The following CNTNAP2 variants were observed in gnomAD, a reference collection of about 807,000 sequenced individuals.
The protein encoded by CNTNAP2 is contactin associated protein 2, also known as contactin-associated protein-like 2.
In CNTNAP2, 98 loss-of-function variants were observed where a neutral mutation model predicts 155.2. The observed-to-expected ratio is 0.63, with a 90% CI of 0.54 to 0.75. The LOEUF (loss-of-function observed/expected upper bound fraction) is 0.75. Among genes scored for constraint, CNTNAP2 ranks in the 30% least tolerant of loss-of-function variants. The pLI is 0.00. For missense variants in CNTNAP2, 1,727 were observed against 1,688.1 expected (o/e 1.02, Z -0.40); for synonymous variants, 651 against 631.2 (o/e 1.03, Z -0.47).
At chr7:147,530,739 A>G (rs1799416731) in intron 11 of CNTNAP2, among the ~76,000 whole-genome samples, 2 of 152,174 alleles carry the variant, frequency 1.3e-5, no homozygotes, top group South Asian at 4.1e-4. Context: ...TCCAAATCTC[A>G]TGTCCTCACA....
intron 21 of CNTNAP2, among the ~76,000 whole-genome samples, chr7:148,338,160 A>G (rs908955835): frequency 2.6e-5 from 4 of 152,214 alleles, no homozygotes; most frequent in African/African-American, 9.6e-5. Context: ...CTTTTCCACA[A>G]TGTCATGTTA....
intron 3 of CNTNAP2, among the ~76,000 whole-genome samples, chr7:146,856,607 GAAT>G (rs1323339777): frequency 6.6e-6 from 1 of 152,108 alleles, no homozygotes; most frequent in Non-Finnish European, 1.5e-5. Flanking sequence ...CAAGGGAAAT[GAAT>G]AATATTTACA....
intron 9 of CNTNAP2, among the ~76,000 whole-genome samples, chr7:147,340,303 A>G (rs987399129): frequency 6.6e-5 from 10 of 152,204 alleles, no homozygotes; most frequent in African/African-American, 2.4e-4. Context: ...GAAAGGAACC[A>G]TATTTTAGCA....
At chr7:147,664,694 T>G (rs1795667911) in intron 13 of CNTNAP2, among the ~76,000 whole-genome samples, 1 of 152,184 alleles carries the variant, frequency 6.6e-6, no homozygotes. Context: ...TAGAAATGGC[T>G]TCCCACCACA....
At chr7:147,608,686 G>T (rs1801121211) in intron 12 of CNTNAP2, among the ~76,000 whole-genome samples, 1 of 152,174 alleles carries the variant, frequency 6.6e-6, no homozygotes, top group African/African-American at 2.4e-5. Context: ...AATGAAGAAA[G>T]GGTTAAGGAG....
At chr7:147,557,587 G>A (rs1169487582) in intron 11 of CNTNAP2, among the ~76,000 whole-genome samples, 1 of 152,082 alleles carries the variant, frequency 6.6e-6, no homozygotes, top group East Asian at 1.9e-4. Flanking sequence ...CCTGTGTTCT[G>A]TCATCTCCTA....
At chr7:146,122,325 G>C (rs1186257818) in intron 1 of CNTNAP2, among the ~76,000 whole-genome samples, 1 of 152,152 alleles carries the variant, frequency 6.6e-6, no homozygotes, top group Non-Finnish European at 1.5e-5. Context: ...TTGAGACTCT[G>C]TTTAATTTTA....
At chr7:146,543,594 C>G (rs902805652) in intron 1 of CNTNAP2, among the ~76,000 whole-genome samples, 12 of 151,906 alleles carry the variant, frequency 7.9e-5, no homozygotes, top group African/African-American at 2.9e-4. Context: ...TCTTCAGATA[C>G]ATTTCACTGT....
intron 16 of CNTNAP2, among the ~76,000 whole-genome samples, chr7:148,123,586 G>A (rs1326177690): frequency 4.0e-5 from 6 of 150,978 alleles, no homozygotes; most frequent in Non-Finnish European, 5.9e-5. Context: ...GTGACAGAGC[G>A]AGACCTCGAG....
chr7:146,243,243 A>G (rs953026725), intron 1 of CNTNAP2, among the ~76,000 whole-genome samples: 1 of 152,098 alleles, frequency 6.6e-6, no homozygotes, highest in Non-Finnish European at 1.5e-5. Context: ...TTATTGTCTC[A>G]TCTTAATATT....
chr7:146,363,053 G>A (rs1374848993), intron 1 of CNTNAP2, among the ~76,000 whole-genome samples: 6 of 145,982 alleles, frequency 4.1e-5, no homozygotes, highest in African/African-American at 1.1e-4. Context: ...ACAGGTGTGA[G>A]CCACCGCGCC....
rs143125563 is a variant in CNTNAP2 at position 147,772,874 on chromosome 7, T to C, written c.2099-130691T>C. 7.8e-3 allele frequency among the ~76,000 whole-genome samples: 1,181 copies of C among 152,300 alleles called. 10 individuals carry two copies. The highest frequency in any genetic ancestry group is 0.027 in the African/African-American group (1,134 of 41,554). On this transcript the variant is annotated intron_variant, in intron 13 of 23. Transcript: ENST00000361727. ...CACAAAATAGAGCCAGTCCTTAGCA[T>C]GTCAGAACTTCCACACTTGATTCAG...
At chr7:146,367,713 T>C (rs553185364) in intron 1 of CNTNAP2, among the ~76,000 whole-genome samples, 1 of 152,246 alleles carries the variant, frequency 6.6e-6, no homozygotes, top group South Asian at 2.1e-4. Context: ...AACACAGAAA[T>C]CCATTAAAAT....
At chr7:147,516,848 C>CTTTTTTTTTTTTT (rs1221666617) in intron 11 of CNTNAP2, among the ~76,000 whole-genome samples, 5 of 112,622 alleles carry the variant, frequency 4.4e-5, no homozygotes, top group African/African-American at 1.7e-4. Context: ...TCTTTCTTTT[C>CTTTTTTTTTTTTT]TTTTTTTTTT....
chr7:147,868,049 G>A (rs528942745), intron 13 of CNTNAP2, among the ~76,000 whole-genome samples: 8 of 151,034 alleles, frequency 5.3e-5, no homozygotes, highest in South Asian at 4.3e-4. Context: ...TAGAATTTTC[G>A]GTTTTTCTGC....
At chr7:147,189,561 A>G (rs2116519301) in intron 8 of CNTNAP2, among the ~76,000 whole-genome samples, 1 of 152,356 alleles carries the variant, frequency 6.6e-6, no homozygotes, top group East Asian at 1.9e-4. Flanking sequence ...TTATATATAA[A>G]TAACTCTATA....
chr7:148,250,379 G>A (rs185573361), intron 20 of CNTNAP2, among the ~76,000 whole-genome samples: 3 of 152,264 alleles, frequency 2.0e-5, no homozygotes, highest in African/African-American at 4.8e-5. Flanking sequence ...GGAAGGAAGC[G>A]ATATGAGGGT....
At chr7:146,208,531 A>T (rs1365978917) in intron 1 of CNTNAP2, 1 of 152,122 alleles carries the variant, frequency 6.6e-6, no homozygotes, top group Non-Finnish European at 1.5e-5. Context: ...TGGAAGGAAA[A>T]AAAAAGCACA....
chr7:148,113,492 G>A (rs1445551255), intron 15 of CNTNAP2, among the ~76,000 whole-genome samples: 1 of 152,200 alleles, frequency 6.6e-6, no homozygotes, highest in African/African-American at 2.4e-5. Context: ...TGAGATTTGG[G>A]TGGGAACACA....
Sources: gnomAD v4.1 joint callset for allele counts (sites outside exome capture counted in the v4.1 genomes callset) on GRCh38, gnomAD v4.1.1 for gene constraint, MANE v1.5 for transcripts, NCBI Gene and HGNC (gene_info 2026-07-23, HGNC 2026-07-21) for gene names.